Variants in RAP1A observed in about 807,000 individuals in gnomAD.
RAP1A encodes the protein RAP1A, member of RAS oncogene family, also known as ras-related protein Rap-1A.
A neutral mutation model predicts 26.4 loss-of-function variants in RAP1A; 6 were observed. The observed-to-expected ratio is 0.23, with a 90% CI of 0.12 to 0.45. The LOEUF is 0.45. Ranked by LOEUF, RAP1A falls within the 20% of genes least tolerant of loss-of-function variation. The pLI is 0.99. For synonymous variants in RAP1A, 73 were observed against 79.4 expected, an observed-to-expected ratio of 0.92 and a Z score of 0.43; for missense variants, 121 against 217.2, an observed-to-expected ratio of 0.56 and a Z score of 2.78.
chr1:111,577,974 A>G (rs371173652), intron 1 of RAP1A, among the ~76,000 whole-genome samples: 1 of 152,228 alleles, frequency 6.6e-6, no homozygotes, highest in African/African-American at 2.4e-5. Context: ...AGGAGTCCAC[A>G]GTCACTTAGA....
At chr1:111,590,757 C>T (rs928295193) in intron 1 of RAP1A, among the ~76,000 whole-genome samples, 3 of 151,966 alleles carry the variant, frequency 2.0e-5, no homozygotes, top group Non-Finnish European at 4.4e-5. Context: ...GGGATAAGCC[C>T]AAAGGGATCA....
intron 1 of RAP1A, among the ~76,000 whole-genome samples, chr1:111,549,550 T>C (rs1434366575): frequency 6.6e-6 from 1 of 150,562 alleles, no homozygotes; most frequent in Non-Finnish European, 1.5e-5. Context: ...CTAGGGAGGC[T>C]GAGACAGGAG....
At chr1:111,564,082 T>C in intron 1 of RAP1A, 1 of 646,714 alleles carries the variant, frequency 1.5e-6, no homozygotes, top group Non-Finnish European at 2.8e-6. Context: ...GACATACTCA[T>C]AAAGCCTTAA....
rs143317300 is a variant in RAP1A at position 111,702,515 on chromosome 1, A to G, written c.184-821A>G. On this transcript the variant is annotated intron_variant, in intron 4 of 7. Coordinates refer to ENST00000369709, the MANE Select transcript of RAP1A (RefSeq NM_002884.4). ...TAGATAGTCATTGCACTATTCTCAC[A>G]TCTTTTCTAAAGGTTTGGAATGAGG... Among the ~76,000 whole-genome samples the G allele has an allele frequency of 2.1e-3, 317 of 152,230 alleles. 3 individuals are homozygous for G. Among genetic ancestry groups the G allele is most frequent in the African/African-American group, 7.4e-3 (308 of 41,546 alleles).
intron 1 of RAP1A, among the ~76,000 whole-genome samples, chr1:111,569,354 G>A (rs776952902): frequency 4.3e-4 from 62 of 144,192 alleles, no homozygotes; most frequent in East Asian, 4.1e-4. Context: ...AGCCGAGATC[G>A]CACCATTGCA....
At chr1:111,639,102 G>T (rs1659814208) in intron 1 of RAP1A, among the ~76,000 whole-genome samples, 1 of 117,166 alleles carries the variant, frequency 8.5e-6, no homozygotes, top group African/African-American at 3.2e-5. Context: ...GACTCTTTCT[G>T]CTATCAAGGT....
intron 1 of RAP1A, among the ~76,000 whole-genome samples, chr1:111,598,658 TG>T (rs1308965398): frequency 1.3e-5 from 2 of 152,184 alleles, no homozygotes; most frequent in Admixed American, 1.3e-4. Context: ...ACTTCTGTGA[TG>T]AACAGAAGTC....
chr1:111,611,177 T>C (rs1464277920), intron 1 of RAP1A, among the ~76,000 whole-genome samples: 3 of 152,220 alleles, frequency 2.0e-5, no homozygotes, highest in Non-Finnish European at 4.4e-5. Context: ...TCTAGAGCTG[T>C]CATTGGCTCC....
At chr1:111,633,997 C>G (rs1195236883) in intron 1 of RAP1A, among the ~76,000 whole-genome samples, 1 of 152,162 alleles carries the variant, frequency 6.6e-6, no homozygotes, top group Non-Finnish European at 1.5e-5. Context: ...GTTTTCTTAG[C>G]TGACTCTGCT....
intron 1 of RAP1A, among the ~76,000 whole-genome samples, chr1:111,688,760 A>AG (rs977966812): frequency 2.8e-5 from 4 of 144,070 alleles, no homozygotes; most frequent in Non-Finnish European, 6.1e-5. Flanking sequence ...CTCCTTCAGG[A>AG]GGGGGGCTCA....
At chr1:111,581,193 T>A (rs936718412) in intron 1 of RAP1A, among the ~76,000 whole-genome samples, 3 of 151,760 alleles carry the variant, frequency 2.0e-5, no homozygotes, top group African/African-American at 7.3e-5. Context: ...TTGACTATGA[T>A]GGGAGACGGT....
intron 5 of RAP1A, among the ~76,000 whole-genome samples, chr1:111,703,906 T>A (rs1447863870): frequency 6.6e-6 from 1 of 152,184 alleles, no homozygotes; most frequent in Non-Finnish European, 1.5e-5. Context: ...TCAAGTGATC[T>A]TCCCACCTCA....
At chr1:111,711,278 T>C (rs1662378549) in intron 7 of RAP1A, among the ~76,000 whole-genome samples, 1 of 152,254 alleles carries the variant, frequency 6.6e-6, no homozygotes, top group African/African-American at 2.4e-5. Context: ...TATTTAACTC[T>C]GTTATAGTTG....
At chr1:111,552,157 C>T (rs1240059131) in intron 1 of RAP1A, among the ~76,000 whole-genome samples, 4 of 152,196 alleles carry the variant, frequency 2.6e-5, no homozygotes, top group Non-Finnish European at 5.9e-5. Context: ...TGGGCAAGCT[C>T]TGAAACAAGA....
chr1:111,684,486 C>A (rs1295103051), intron 1 of RAP1A, among the ~76,000 whole-genome samples: 2 of 152,098 alleles, frequency 1.3e-5, no homozygotes, highest in African/African-American at 4.8e-5. Flanking sequence ...CACAAACATT[C>A]CTATACACTA....
chr1:111,567,846 C>G (rs1253016820), intron 1 of RAP1A, among the ~76,000 whole-genome samples: 1 of 152,230 alleles, frequency 6.6e-6, no homozygotes, highest in Non-Finnish European at 1.5e-5. Context: ...AATTTTCTGT[C>G]ACCTTGATCT....
intron 1 of RAP1A, among the ~76,000 whole-genome samples, chr1:111,676,668 C>T (rs941799682): frequency 6.6e-6 from 1 of 152,114 alleles, no homozygotes; most frequent in African/African-American, 2.4e-5. Flanking sequence ...AGATACAGAT[C>T]ATTCTCATCA....
At chr1:111,571,488 C>T (rs1658048089) in intron 1 of RAP1A, among the ~76,000 whole-genome samples, 1 of 152,326 alleles carries the variant, frequency 6.6e-6, no homozygotes, top group African/African-American at 2.4e-5. Context: ...AGCATAAATC[C>T]AGATGTGGTT....
chr1:111,685,617 G>A (rs1283175252), intron 1 of RAP1A, among the ~76,000 whole-genome samples: 1 of 152,162 alleles, frequency 6.6e-6, no homozygotes, highest in East Asian at 1.9e-4. Flanking sequence ...TAAAAAGTCA[G>A]GAAACAACAT....
Sources: gnomAD v4.1 joint callset for allele counts (sites outside exome capture counted in the v4.1 genomes callset) on GRCh38, gnomAD v4.1.1 for gene constraint, MANE v1.5 for transcripts, NCBI Gene and HGNC (gene_info 2026-07-23, HGNC 2026-07-21) for gene names.